The following IGBP1C variants were observed in gnomAD, a reference collection of about 807,000 sequenced individuals.
IGBP1C encodes the protein immunoglobulin-binding protein 1 family member C.
the IGBP1C span, among the ~76,000 whole-genome samples, chr17:58,679,089 G>A: frequency 6.6e-6 from 1 of 152,110 alleles, no homozygotes; most frequent in African/African-American, 2.4e-5. Context: ...TTGAGGCTGA[G>A]GTTGCTGTGA....
the IGBP1C span, among the ~76,000 whole-genome samples, chr17:58,686,860 CCTT>C: frequency 7.3e-6 from 1 of 136,778 alleles, no homozygotes. Context: ...TGAAAGGTCA[CCTT>C]TTTTTTTTTT....
the IGBP1C span, among the ~76,000 whole-genome samples, chr17:58,668,788 C>T: frequency 1.3e-5 from 2 of 152,208 alleles, no homozygotes; most frequent in African/African-American, 4.8e-5. Flanking sequence ...AACTGCTATG[C>T]GAGGTAACTG....
chr17:58,671,768 T>G, the IGBP1C span, among the ~76,000 whole-genome samples: 1 of 152,300 alleles, frequency 6.6e-6, no homozygotes, highest in Admixed American at 6.5e-5. Context: ...TTTCTCACCA[T>G]TTTACATGTT....
chr17:58,679,403 G>A, the IGBP1C span: 1 of 151,554 alleles, frequency 6.6e-6, no homozygotes, highest in Non-Finnish European at 1.5e-5. Context: ...AGCGTGTGTG[G>A]AGAAAAAAAT....
the IGBP1C span, among the ~76,000 whole-genome samples, chr17:58,664,675 T>C: frequency 6.6e-6 from 1 of 152,208 alleles, no homozygotes; most frequent in South Asian, 2.1e-4. Flanking sequence ...GAAGGGCCCA[T>C]ACTTTTGCCT....
the IGBP1C span, among the ~76,000 whole-genome samples, chr17:58,671,743 G>A: frequency 1.6e-4 from 24 of 152,140 alleles, no homozygotes; most frequent in East Asian, 1.4e-3. Context: ...TTAAAAACTC[G>A]TTTTCTTGTT....
chr17:58,683,478 A>G, the IGBP1C span, among the ~76,000 whole-genome samples: 2 of 151,758 alleles, frequency 1.3e-5, no homozygotes, highest in Non-Finnish European at 2.9e-5. Context: ...AAGAGACAGA[A>G]TTGGCCAGGT....
At chr17:58,678,092 G>A in the IGBP1C span, among the ~76,000 whole-genome samples, 1 of 152,208 alleles carries the variant, frequency 6.6e-6, no homozygotes, top group Non-Finnish European at 1.5e-5. Context: ...AGAGGTTGCA[G>A]TGAGCAGATA....
chr17:58,691,914 A>G, the IGBP1C span: 1 of 152,230 alleles, frequency 6.6e-6, no homozygotes, highest in African/African-American at 2.4e-5. Flanking sequence ...GCCCAGACAC[A>G]CTAATGGGGA....
chr17:58,689,219 G>A, the IGBP1C span, among the ~76,000 whole-genome samples: 2 of 149,222 alleles, frequency 1.3e-5, no homozygotes, highest in Non-Finnish European at 3.0e-5. Context: ...GAGACATCAC[G>A]CTCAGCTAAT....
the IGBP1C span, among the ~76,000 whole-genome samples, chr17:58,670,947 C>T: frequency 5.9e-5 from 9 of 152,044 alleles, no homozygotes; most frequent in East Asian, 1.9e-4. Flanking sequence ...TTCAAAACAA[C>T]GTGTACACAA....
chr17:58,691,350 G>A, the IGBP1C span, among the ~76,000 whole-genome samples: 1 of 152,088 alleles, frequency 6.6e-6, no homozygotes, highest in African/African-American at 2.4e-5. Context: ...CTTCTAAGCT[G>A]GGAAGAAAAG....
At chr17:58,666,114 G>A in the IGBP1C span, among the ~76,000 whole-genome samples, 3 of 151,888 alleles carry the variant, frequency 2.0e-5, no homozygotes, top group Admixed American at 2.0e-4. Context: ...GAGGCTGAAG[G>A]TGTGGATCAC....
the IGBP1C span, among the ~76,000 whole-genome samples, chr17:58,677,059 C>G: frequency 7.0e-6 from 1 of 143,012 alleles, no homozygotes; most frequent in African/African-American, 2.6e-5. Flanking sequence ...GTGGAGGGTG[C>G]TGGGAGCCGA....
chr17:58,665,833 G>A, the IGBP1C span, among the ~76,000 whole-genome samples: 1 of 152,126 alleles, frequency 6.6e-6, no homozygotes, highest in South Asian at 2.1e-4. Context: ...ATCACATGAG[G>A]TCAGGAGTTC....
At chr17:58,688,074 A>G in the IGBP1C span, among the ~76,000 whole-genome samples, 2 of 152,194 alleles carry the variant, frequency 1.3e-5, no homozygotes, top group African/African-American at 4.8e-5. Flanking sequence ...AAAATAAAAT[A>G]TATAAAAGTA....
At chr17:58,676,327 G>C in the IGBP1C span, among the ~76,000 whole-genome samples, 4 of 151,726 alleles carry the variant, frequency 2.6e-5, no homozygotes, top group Non-Finnish European at 4.4e-5. Context: ...AGTAAGCCAA[G>C]ATCACAGCAT....
the IGBP1C span, among the ~76,000 whole-genome samples, chr17:58,663,907 G>T: frequency 1.3e-5 from 2 of 152,326 alleles, no homozygotes; most frequent in South Asian, 4.1e-4. Context: ...GCCAGGGGCA[G>T]TGGCTCATGC....
At chr17:58,682,025 C>T in the IGBP1C span, among the ~76,000 whole-genome samples, 1 of 152,068 alleles carries the variant, frequency 6.6e-6, no homozygotes, top group South Asian at 2.1e-4. Context: ...GCAGTGGCAC[C>T]ATCACAGCTC....
Sources: allele counts gnomAD v4.1 joint callset (sites outside exome capture counted in the v4.1 genomes callset), GRCh38; gene constraint gnomAD v4.1.1; transcripts MANE v1.5; gene names NCBI Gene and HGNC (gene_info 2026-07-23, HGNC 2026-07-21).